The following EPG5 variants were observed in gnomAD, a reference collection of about 807,000 sequenced individuals.
EPG5 encodes ectopic P-granules 5 autophagy tethering factor.
Under a neutral mutation model 302.7 loss-of-function variants are expected in EPG5, and 159 were observed. That is an observed-to-expected ratio of 0.53 (90% CI 0.46 to 0.60). The LOEUF (loss-of-function observed/expected upper bound fraction) is 0.60. Among genes scored for constraint, EPG5 ranks in the 20% least tolerant of loss-of-function variants. The pLI is 0.00. For synonymous variants in EPG5, 1,158 were observed against 1,136.8 expected (o/e 1.02, Z -0.37); for missense variants, 2,896 against 3,092.4 (o/e 0.94, Z 1.51).
At chr18:45,933,912 C>T (rs574113648) in intron 11 of EPG5, among the ~76,000 whole-genome samples, 9 of 151,802 alleles carry the variant, frequency 5.9e-5, no homozygotes, top group East Asian at 5.8e-4. Context: ...TCTTTTTTAA[C>T]GTATAGGGTA....
chr18:45,928,073 G>C (rs773673359), intron 13 of EPG5, among the ~76,000 whole-genome samples: 1 of 152,082 alleles, frequency 6.6e-6, no homozygotes, highest in African/African-American at 2.4e-5. Context: ...GCGGGCGCCT[G>C]TAATCCCAGC....
chr18:45,833,605 G>A, the EPG5 span, among the ~76,000 whole-genome samples: 3 of 152,116 alleles, frequency 2.0e-5, no homozygotes, highest in Non-Finnish European at 4.4e-5. Context: ...GAGCCACCAC[G>A]CCCGGCCTCT....
At chr18:45,807,860 G>A in the EPG5 span, among the ~76,000 whole-genome samples, 3 of 152,058 alleles carry the variant, frequency 2.0e-5, no homozygotes, top group African/African-American at 7.2e-5. Context: ...CATCAGCAAT[G>A]GATTCAAACC....
the EPG5 span, chr18:45,837,660 A>G: frequency 1.5e-4 from 218 of 1,502,442 alleles, no homozygotes; most frequent in African/African-American, 2.0e-3. Context: ...GGCGAGCCCT[A>G]TGCGGGCCCG....
At chr18:45,906,781 A>G (rs1010248511) in intron 24 of EPG5, among the ~76,000 whole-genome samples, 21 of 151,912 alleles carry the variant, frequency 1.4e-4, no homozygotes, top group African/African-American at 4.3e-4. Flanking sequence ...CAGCCTCCTG[A>G]GTCGATGGGA....
chr18:45,944,795 T>C (rs1338660820), intron 7 of EPG5, among the ~76,000 whole-genome samples: 2 of 152,210 alleles, frequency 1.3e-5, no homozygotes, highest in Non-Finnish European at 2.9e-5. Context: ...AAAGTTATGT[T>C]AGCTGCAATT....
At chr18:45,946,213 G>A (rs1293180314) in intron 7 of EPG5, among the ~76,000 whole-genome samples, 4 of 152,150 alleles carry the variant, frequency 2.6e-5, no homozygotes, top group Non-Finnish European at 5.9e-5. Context: ...TGGATAAGAA[G>A]TTTATGAGTT....
chr18:45,837,074 A>G, the EPG5 span: 1 of 1,609,462 alleles, frequency 6.2e-7, no homozygotes, highest in Non-Finnish European at 8.5e-7. Context: ...AACTTGCTCA[A>G]CACAGAGGTG....
intron 15 of EPG5, among the ~76,000 whole-genome samples, chr18:45,922,928 G>A (rs1400551429): frequency 2.0e-5 from 3 of 152,206 alleles, no homozygotes; most frequent in African/African-American, 7.2e-5. Context: ...TTTTGGTGGT[G>A]TAAAAATTCC....
chr18:45,905,331 T>C lies in EPG5; in HGVS notation c.4330-1214A>G, dbSNP rs182399873. 3.7e-3 allele frequency among the ~76,000 whole-genome samples: 565 copies of C among 152,326 alleles called. 3 individuals are homozygous for C. The highest frequency in any genetic ancestry group is 3.6e-3 in the Non-Finnish European group (248 of 68,026). On this transcript the variant is annotated intron_variant, in intron 24 of 43. Transcript: ENST00000282041. ...TGTTCTAAAGGCCCAAGGATCCCTCTAAACCAAAAAATGTCCTTGGCTTCT... is the reference window on the plus strand; with the variant it reads ...TGTTCTAAAGGCCCAAGGATCCCTCCAAACCAAAAAATGTCCTTGGCTTCT...
At chr18:45,917,081 T>C (rs867393145) in intron 17 of EPG5, among the ~76,000 whole-genome samples, 6 of 152,174 alleles carry the variant, frequency 3.9e-5, no homozygotes, top group African/African-American at 9.7e-5. Flanking sequence ...GGAGACATAC[T>C]GCTTGAAAAG....
chr18:45,802,616 C>T, the EPG5 span, among the ~76,000 whole-genome samples: 2 of 152,298 alleles, frequency 1.3e-5, no homozygotes, highest in African/African-American at 4.8e-5. Flanking sequence ...GAGGTGGGGA[C>T]TAAGCCCAAC....
At chr18:45,812,323 G>A in the EPG5 span, among the ~76,000 whole-genome samples, 65 of 152,258 alleles carry the variant, frequency 4.3e-4, no homozygotes, top group African/African-American at 1.4e-3. Context: ...AATCAATATC[G>A]TGAAAATGGC....
chr18:45,919,963 A>C (rs1013678828), intron 16 of EPG5, among the ~76,000 whole-genome samples: 15 of 152,228 alleles, frequency 9.9e-5, no homozygotes, highest in Non-Finnish European at 1.8e-4. Context: ...AAGGACCCTT[A>C]TCAGGTCTCC....
chr18:45,814,574 T>C, the EPG5 span, among the ~76,000 whole-genome samples: 1 of 152,210 alleles, frequency 6.6e-6, no homozygotes, highest in African/African-American at 2.4e-5. Context: ...AAGAGAAAGT[T>C]AGAACCTGAA....
At chr18:45,878,121 T>A (rs1198166122) in intron 34 of EPG5, among the ~76,000 whole-genome samples, 2 of 152,198 alleles carry the variant, frequency 1.3e-5, no homozygotes, top group Non-Finnish European at 2.9e-5. Context: ...TTATTCAACC[T>A]CTTATTGTGG....
chr18:45,842,490 C>T, the EPG5 span: 3 of 347,014 alleles, frequency 8.6e-6, no homozygotes, highest in African/African-American at 2.1e-5. Context: ...CGTGAAACTT[C>T]CAGAAATGTT....
chr18:45,944,217 A>G, intron 7 of EPG5, 98 bp from the exon 8 acceptor site: 1 of 732,644 alleles, frequency 1.4e-6, no homozygotes, highest in Non-Finnish European at 2.4e-6. Context: ...TCAATGGTAT[A>G]CATGTGATAT....
At chr18:45,953,215 T>C (rs1177230875) in intron 2 of EPG5, 14 of 871,430 alleles carry the variant, frequency 1.6e-5, no homozygotes, top group Non-Finnish European at 1.7e-5. Flanking sequence ...AAGAAAATAA[T>C]AGAACTTGTC....
Sources: allele counts gnomAD v4.1 joint callset (sites outside exome capture counted in the v4.1 genomes callset), GRCh38; gene constraint gnomAD v4.1.1; transcripts MANE v1.5; gene names NCBI Gene and HGNC (gene_info 2026-07-23, HGNC 2026-07-21).